SASH1: variants seen among roughly 807,000 people sequenced by gnomAD.
SASH1 encodes SAM and SH3 domain-containing protein 1.
SASH1 carries 44 observed loss-of-function variants against 125.2 expected under a neutral mutation model. The ratio of observed to expected loss-of-function variants is 0.35; its 90% CI spans 0.28 to 0.45. The LOEUF is 0.45. SASH1 is among the 20% of genes least tolerant of loss of function. The pLI is 1.00. For synonymous variants in SASH1, 639 were observed against 649.1 expected (o/e 0.98, Z 0.24); for missense variants, 1,426 against 1,614.5 (o/e 0.88, Z 2.00).
chr6:148,258,223 T>A, the SASH1 span, among the ~76,000 whole-genome samples: 1 of 152,176 alleles, frequency 6.6e-6, no homozygotes, highest in African/African-American at 2.4e-5. Flanking sequence ...CCATTTATTA[T>A]GTGTTAGAAT....
rs1782854372 is a variant in SASH1 at position 148,551,111 on chromosome 6, G to GTGTT, written c.*2554_*2557dup. 1 of 152,286 alleles carries GTGTT rather than the reference G, an allele frequency of 6.6e-6. No homozygotes were observed. Among genetic ancestry groups the GTGTT allele is most frequent in the Admixed American group, 6.6e-5 (1 of 15,260 alleles). 9.4% of individuals were successfully genotyped at this position (152,286 alleles called of 1,614,324 possible). On this transcript the variant is annotated 3_prime_UTR_variant, in exon 20 of 20. Coordinates refer to ENST00000367467, the MANE Select transcript of SASH1 (RefSeq NM_015278.5). ...GGTCTGAGGTTGTTTTTACTTTATT[G>GTGTT]TGTTGTTTAAATATTTTAAAAATAT... is the stretch of plus-strand genomic sequence containing the variant.
the SASH1 span, among the ~76,000 whole-genome samples, chr6:148,240,333 A>C: frequency 1.3e-5 from 2 of 151,878 alleles, no homozygotes; most frequent in Non-Finnish European, 2.9e-5. Context: ...TCAAATTCTC[A>C]CTGTTTTCAT....
intron 2 of SASH1, among the ~76,000 whole-genome samples, chr6:148,428,399 C>T (rs774905473): frequency 6.6e-6 from 1 of 152,154 alleles, no homozygotes; most frequent in African/African-American, 2.4e-5. Flanking sequence ...GAGGCCAAGG[C>T]AGGCGGATCT....
At chr6:148,284,792 A>G (rs1779439886) in intron 1 of SASH1, among the ~76,000 whole-genome samples, 1 of 152,210 alleles carries the variant, frequency 6.6e-6, no homozygotes. Flanking sequence ...AAATTTAAAC[A>G]AATGCTATAA....
At chr6:148,337,597 G>A (rs1256223205) in intron 1 of SASH1, among the ~76,000 whole-genome samples, 1 of 152,168 alleles carries the variant, frequency 6.6e-6, no homozygotes, top group Non-Finnish European at 1.5e-5. Context: ...CCTGAGCTCA[G>A]GTGATCCGCC....
At chr6:148,458,778 C>T (rs954998484) in intron 4 of SASH1, among the ~76,000 whole-genome samples, 1 of 151,974 alleles carries the variant, frequency 6.6e-6, no homozygotes, top group African/African-American at 2.4e-5. Flanking sequence ...GCCTGGGCTA[C>T]ATAATGAGAT....
At chr6:148,422,659 T>G (rs540148178) in intron 2 of SASH1, among the ~76,000 whole-genome samples, 45 of 152,334 alleles carry the variant, frequency 3.0e-4, no homozygotes, top group African/African-American at 1.1e-3. Flanking sequence ...GCTTTTGAAC[T>G]AAGTTTCATA....
chr6:148,371,110 C>T (rs1782686177), intron 1 of SASH1, among the ~76,000 whole-genome samples: 2 of 152,126 alleles, frequency 1.3e-5, no homozygotes, highest in South Asian at 4.1e-4. Flanking sequence ...TCCCTTCCCT[C>T]CTCCATGTTT....
chr6:148,380,682 T>G (rs1342607039), intron 1 of SASH1, among the ~76,000 whole-genome samples: 1 of 152,236 alleles, frequency 6.6e-6, no homozygotes, highest in Non-Finnish European at 1.5e-5. Flanking sequence ...ATGATCAATG[T>G]TCCCATTCTT....
At chr6:148,259,609 G>A in the SASH1 span, among the ~76,000 whole-genome samples, 3 of 152,140 alleles carry the variant, frequency 2.0e-5, no homozygotes, top group African/African-American at 7.2e-5. Context: ...TCCTGCTCAT[G>A]ATTGTACCTC....
At chr6:148,238,745 C>A in the SASH1 span, among the ~76,000 whole-genome samples, 3 of 152,062 alleles carry the variant, frequency 2.0e-5, no homozygotes, top group South Asian at 6.2e-4. Flanking sequence ...AAGGGCTTGG[C>A]GTACAGTGGG....
the SASH1 span, among the ~76,000 whole-genome samples, chr6:148,221,221 C>A: frequency 6.6e-6 from 1 of 151,786 alleles, no homozygotes; most frequent in Non-Finnish European, 1.5e-5. Flanking sequence ...TTAACAGGCC[C>A]AATAAATCTG....
chr6:148,481,324 A>G (rs1344165728), intron 7 of SASH1, among the ~76,000 whole-genome samples: 2 of 152,130 alleles, frequency 1.3e-5, no homozygotes, highest in Non-Finnish European at 2.9e-5. Context: ...AACTTTCTCC[A>G]TGTCAGCAAT....
intron 1 of SASH1, among the ~76,000 whole-genome samples, chr6:148,324,614 G>GA (rs1160299548): frequency 6.6e-6 from 1 of 152,052 alleles, no homozygotes; most frequent in East Asian, 1.9e-4. Flanking sequence ...CTCAGCTGCA[G>GA]AAAAAAGTAG....
intron 8 of SASH1, among the ~76,000 whole-genome samples, chr6:148,504,351 A>C (rs1012498357): frequency 2.0e-5 from 3 of 152,184 alleles, no homozygotes; most frequent in Non-Finnish European, 4.4e-5. Flanking sequence ...AATGTACCAG[A>C]AACTGAATCT....
intron 2 of SASH1, among the ~76,000 whole-genome samples, chr6:148,425,732 C>T (rs1472947680): frequency 4.9e-5 from 6 of 122,256 alleles, no homozygotes; most frequent in African/African-American, 1.4e-4. Context: ...CCCTTCCCCT[C>T]CCCCTCCTCC....
intron 12 of SASH1, among the ~76,000 whole-genome samples, chr6:148,528,724 A>T (rs113913362): frequency 0.037 from 5,668 of 152,218 alleles, 165 homozygotes; most frequent in African/African-American, 0.068. Context: ...ATCTTTTTGC[A>T]CCAGGGACTG....
chr6:148,274,770 G>A (rs552893409), intron 1 of SASH1, among the ~76,000 whole-genome samples: 26 of 152,234 alleles, frequency 1.7e-4, no homozygotes, highest in South Asian at 6.2e-4. Context: ...GAAGTTTGGG[G>A]AGAAAATAAA....
chr6:148,361,209 G>A (rs1008994284), intron 1 of SASH1, among the ~76,000 whole-genome samples: 2 of 152,206 alleles, frequency 1.3e-5, no homozygotes, highest in Admixed American at 6.5e-5. Flanking sequence ...CCAATTATTG[G>A]TGCTTTGTTA....
Sources: allele counts gnomAD v4.1 joint callset (sites outside exome capture counted in the v4.1 genomes callset), GRCh38; gene constraint gnomAD v4.1.1; transcripts MANE v1.5; gene names NCBI Gene and HGNC (gene_info 2026-07-23, HGNC 2026-07-21).